MYO1A: variants seen among roughly 807,000 people sequenced by gnomAD.
MYO1A encodes the protein unconventional myosin-Ia.
In MYO1A, 127 loss-of-function variants were observed where a neutral mutation model predicts 138.5. That is an observed-to-expected ratio of 0.92 (90% CI 0.79 to 1.06). The LOEUF is 1.06. Ranked by LOEUF, MYO1A falls within the 50% of genes least tolerant of loss-of-function variation. The probability of loss-of-function intolerance (pLI) is 0.00; values close to 1 mark genes in which losing one functional copy is unlikely to be tolerated. For missense variants in MYO1A, 1,211 were observed against 1,288.8 expected (o/e 0.94, Z 0.92); for synonymous variants, 477 against 497.5 (o/e 0.96, Z 0.55).
chr12:57,036,221 T>C, intron 22 of MYO1A, 86 bp downstream of exon 22: 4 of 1,338,182 alleles, frequency 3.0e-6, no homozygotes, highest in Non-Finnish European at 4.3e-6. Context: ...GGGGGAAAGC[T>C]TTGGGTTGCC....
upstream of MYO1A, among the ~76,000 whole-genome samples, chr12:57,050,484 G>A (rs1036489900): frequency 6.6e-6 from 1 of 152,136 alleles, no homozygotes; most frequent in East Asian, 1.9e-4. Flanking sequence ...CCAGGAGTTC[G>A]AGACCAGCCT....
At chr12:57,037,207 G>T in intron 19 of MYO1A, 116 bp from the exon 20 acceptor site, 1 of 1,291,788 alleles carries the variant, frequency 7.7e-7, no homozygotes, top group Non-Finnish European at 1.1e-6. Flanking sequence ...TCATTCCTTT[G>T]TCTTCTTAGT....
rs755359548 is a variant in MYO1A at position 57,037,544 on chromosome 12, TCA to T, written c.2055+2_2055+3del. The T allele has an allele frequency of 3.1e-6, 5 of 1,613,756 alleles. No individual in the cohort carries two copies. The highest frequency in any genetic ancestry group is 1.1e-5 in the South Asian group (1 of 91,076). ...ACCAAATGCTAATGCACTCTCTAAC[TCA>T]CAGTCTTGGGGCTTCTAATGAAGAT... On this transcript the variant is annotated splice_donor_variant and splice_donor_region_variant and intron_variant, in intron 19 of 27. Coordinates refer to ENST00000300119, the MANE Select transcript of MYO1A (RefSeq NM_005379.4). LOFTEE classifies it high-confidence loss of function.
At chr12:57,032,539 T>A (rs1309602603) in intron 22 of MYO1A, among the ~76,000 whole-genome samples, 3 of 152,168 alleles carry the variant, frequency 2.0e-5, no homozygotes, top group Non-Finnish European at 4.4e-5. Flanking sequence ...AAAAATTAGC[T>A]GGGCATGGTG....
Position 57,047,701 on chromosome 12 carries a change from GC to G in MYO1A, c.250del (p.Ala84ArgfsTer5). On this transcript the variant is annotated frameshift_variant, in exon 4 of 28. Coordinates refer to ENST00000300119, the MANE Select transcript of MYO1A (RefSeq NM_005379.4). LOFTEE classifies it high-confidence loss of function. ...GTCCCTGTCCCTCAGTGACTGGTAC[GC>G]CACATTTGCCAATGCGTAGCTTGTG... ...KPHIYALANV[A>X]YQSLRDRDRD... 1 of 1,614,182 alleles carries G rather than the reference GC, an allele frequency of 6.2e-7. No individual in the cohort carries two copies. Among genetic ancestry groups the G allele is most frequent in the Non-Finnish European group, 8.5e-7 (1 of 1,180,028 alleles).
At chr12:57,039,418 A>G in intron 14 of MYO1A, 144 bp from the exon 15 acceptor site, 1 of 716,994 alleles carries the variant, frequency 1.4e-6, no homozygotes, top group South Asian at 1.5e-5. Context: ...ATTTCTATTT[A>G]TGTCCCCATC....
At position 57,029,421 on chromosome 12, in the gene MYO1A, C is replaced by T. The variant is rs1204098608; in HGVS notation, c.2877+14G>A. ...CTTCTCCAGTCCAAGGCTTGCCCCA[C>T]CCAGCTCTGATACCTCACTCAGATG... On this transcript the variant is annotated intron_variant, in intron 26 of 27. Transcript: ENST00000300119. The T allele has an allele frequency of 6.2e-7, 1 of 1,614,036 alleles. No homozygotes were observed. Among genetic ancestry groups the T allele is most frequent in the Non-Finnish European group, 8.5e-7 (1 of 1,179,940 alleles).
chr12:57,039,387 T>G, intron 14 of MYO1A, 113 bp from the exon 15 acceptor site: 1 of 811,200 alleles, frequency 1.2e-6, no homozygotes, highest in Non-Finnish European at 2.2e-6. Context: ...AGCCCCATAG[T>G]TCACAGGGGT....
In MYO1A at chr12:57,048,335, C is replaced by A. The variant is rs1463618834; in HGVS notation, c.-12G>T. ...TCCAGGAGAGGCATGTCCAGAGGGG[C>A]CACTGATCCTGGGAATAAGAGGCAC... On this transcript the variant is annotated 5_prime_UTR_variant, in exon 2 of 28. Transcript: ENST00000300119. 6.3e-7 allele frequency: 1 copy of A among 1,591,752 alleles called. No homozygotes were observed.
At chr12:57,036,698 C>T in intron 21 of MYO1A, 74 bp downstream of exon 21, 1 of 1,565,636 alleles carries the variant, frequency 6.4e-7, no homozygotes, top group Non-Finnish European at 8.8e-7. Flanking sequence ...GACTAGCTCT[C>T]TGCTGCTCTA....
chr12:57,039,532 G>A (rs1565644709), intron 14 of MYO1A: 1 of 499,518 alleles, frequency 2.0e-6, no homozygotes, highest in Non-Finnish European at 3.7e-6. Flanking sequence ...CCCTGTAGGT[G>A]GTGTAGGGTG....
rs530464113 is a variant in MYO1A, at chr12:57,033,519, C to T, written c.2350-2345G>A. ...CTACAGGTATGAGCCACCACACCCACCTAATTTTTAAATTTTTTTTGTAGA... is the reference window on the plus strand; with the variant it reads ...CTACAGGTATGAGCCACCACACCCATCTAATTTTTAAATTTTTTTTGTAGA... On this transcript the variant is annotated intron_variant, in intron 22 of 27. Transcript: ENST00000300119. Among the ~76,000 whole-genome samples the T allele has an allele frequency of 1.4e-4, 22 of 152,076 alleles. No individual in the cohort carries two copies. The South Asian group carries it at 4.2e-3, about 29-fold the overall frequency.
intron 22 of MYO1A, among the ~76,000 whole-genome samples, chr12:57,032,873 A>C (rs1043791022): frequency 6.6e-6 from 1 of 152,198 alleles, no homozygotes; most frequent in Non-Finnish European, 1.5e-5. Flanking sequence ...ATTATTTTGA[A>C]AGTTTTTTTA....
At chr12:57,046,417 G>C in intron 8 of MYO1A, 135 bp downstream of exon 8, 1 of 743,978 alleles carries the variant, frequency 1.3e-6, no homozygotes, top group Middle Eastern at 3.7e-4. Context: ...GGGAAATGCA[G>C]CAAGGAAAAT....
intron 9 of MYO1A, 21 bp downstream of exon 9, chr12:57,044,085 T>A: frequency 6.2e-7 from 1 of 1,614,142 alleles, no homozygotes; most frequent in Non-Finnish European, 8.5e-7. Context: ...GGCCCAAGCC[T>A]GCCTCACCCT....
intron 22 of MYO1A, 97 bp from the exon 23 acceptor site, chr12:57,031,271 TA>T: frequency 6.8e-7 from 1 of 1,466,322 alleles, no homozygotes; most frequent in Non-Finnish European, 9.5e-7. Flanking sequence ...AGGAGGAAGT[TA>T]ACCCACAGTG....
chr12:57,038,403 G>A lies in MYO1A; in HGVS notation c.1760+9C>T, dbSNP rs1208915059. On this transcript the variant is annotated intron_variant, in intron 17 of 27. Transcript: ENST00000300119. The stretch of plus-strand genomic sequence containing the variant: ...ATGTAGCATGTTCCCCTGCATGCCA[G>A]CATGTCACCTGATGTAGTTGGGGCT... 2.5e-6 allele frequency: 4 copies of A among 1,613,582 alleles called. No individual in the cohort carries two copies. In the Admixed American group the frequency reaches 6.7e-5, roughly 27 times the overall value.
intron 23 of MYO1A, 30 bp from the exon 24 acceptor site, chr12:57,030,346 T>A: frequency 1.2e-5 from 17 of 1,392,948 alleles, no homozygotes; most frequent in African/African-American, 2.8e-5. Context: ...GGAGCTAAAA[T>A]CATAGAGTGG....
chr12:57,030,797 G>T (rs1450787156), intron 23 of MYO1A, among the ~76,000 whole-genome samples: 1 of 152,168 alleles, frequency 6.6e-6, no homozygotes, highest in East Asian at 1.9e-4. Context: ...CAGAGTTTCA[G>T]TTTGGGGTGA....
Sources: allele counts gnomAD v4.1 joint callset (sites outside exome capture counted in the v4.1 genomes callset), GRCh38; gene constraint gnomAD v4.1.1; transcripts MANE v1.5; gene names NCBI Gene and HGNC (gene_info 2026-07-23, HGNC 2026-07-21).